PTPN14: variants seen among roughly 807,000 people sequenced by gnomAD.
PTPN14 encodes tyrosine-protein phosphatase non-receptor type 14.
PTPN14 carries 53 observed loss-of-function variants against 126.8 expected under a neutral mutation model. The ratio of observed to expected loss-of-function variants is 0.42; its 90% CI spans 0.34 to 0.53. The LOEUF is 0.53. PTPN14 is among the 20% of genes least tolerant of loss of function. The probability of loss-of-function intolerance (pLI) is 0.08; values close to 1 mark genes in which losing one functional copy is unlikely to be tolerated. For missense variants in PTPN14, 1,257 were observed against 1,552.9 expected, an observed-to-expected ratio of 0.81 and a Z score of 3.20; for synonymous variants, 630 against 599.3, an observed-to-expected ratio of 1.05 and a Z score of -0.75.
At chr1:214,402,771 A>G in intron 6 of PTPN14, 112 bp downstream of exon 6, 2 of 1,191,070 alleles carry the variant, frequency 1.7e-6, no homozygotes, top group African/African-American at 1.5e-5. Context: ...TGGAATAAAT[A>G]CAAGTGTGTT....
chr1:214,505,243 A>G (rs568922291), intron 1 of PTPN14, among the ~76,000 whole-genome samples: 7 of 152,264 alleles, frequency 4.6e-5, no homozygotes, highest in African/African-American at 1.7e-4. Flanking sequence ...CCTGACACCT[A>G]CATTCAATGG....
chr1:214,533,843 C>CAAA (rs200765209), intron 1 of PTPN14, among the ~76,000 whole-genome samples: 3 of 64,492 alleles, frequency 4.7e-5, no homozygotes, highest in African/African-American at 1.4e-4. Context: ...TCTCAAAAAA[C>CAAA]AAAAAAAAAA....
chr1:214,438,057 TA>T (rs572907421), intron 3 of PTPN14, among the ~76,000 whole-genome samples: 157 of 152,360 alleles, frequency 1.0e-3, no homozygotes, highest in African/African-American at 3.6e-3. Context: ...GTCTTATTTT[TA>T]TTTTTTAAAT....
At chr1:214,480,963 G>C (rs527788908) in intron 1 of PTPN14, among the ~76,000 whole-genome samples, 1 of 152,206 alleles carries the variant, frequency 6.6e-6, no homozygotes, top group East Asian at 1.9e-4. Context: ...AGGCAAGGGC[G>C]AGAAAGAAAC....
In PTPN14 at chr1:214,353,149, A is replaced by T. The variant is rs1438962479; in HGVS notation, c.*4773T>A. On this transcript the variant is annotated 3_prime_UTR_variant, in exon 19 of 19. Coordinates refer to ENST00000366956, the MANE Select transcript of PTPN14 (RefSeq NM_005401.5). ...CTTCCCCAAACGAAAATCAGTAACG[A>T]AATAGTTGTCCTTTACCAAAGGGGG... 6.6e-6 allele frequency: 1 copy of T among 152,102 alleles called. No homozygotes were observed. The allele number at this position is 152,102 out of a possible 1,614,324, so 9.4% of individuals were successfully genotyped here. A position where few individuals can be genotyped will look rare whatever the true frequency, so the allele number is the denominator to read the frequency against.
chr1:214,409,411 T>C (rs1306882481), intron 5 of PTPN14, among the ~76,000 whole-genome samples: 2 of 152,240 alleles, frequency 1.3e-5, no homozygotes, highest in African/African-American at 4.8e-5. Flanking sequence ...AAAATTCTGT[T>C]CTAAGGCCAA....
chr1:214,540,585 G>A (rs1655811081), intron 1 of PTPN14, among the ~76,000 whole-genome samples: 1 of 152,162 alleles, frequency 6.6e-6, no homozygotes, highest in South Asian at 2.1e-4. Flanking sequence ...GCTGATGGCA[G>A]AAATCACTCT....
chr1:214,423,088 AG>A (rs1446253289), intron 3 of PTPN14, among the ~76,000 whole-genome samples: 1 of 152,026 alleles, frequency 6.6e-6, no homozygotes, highest in Non-Finnish European at 1.5e-5. Flanking sequence ...AGCCCAGACC[AG>A]CCTGGGCAAC....
At chr1:214,519,636 C>A (rs1053675939) in intron 1 of PTPN14, among the ~76,000 whole-genome samples, 4 of 152,156 alleles carry the variant, frequency 2.6e-5, no homozygotes, top group Non-Finnish European at 5.9e-5. Context: ...TAGAGATAAT[C>A]GCTTGCATAT....
chr1:214,525,565 T>TA (rs1163626778), intron 1 of PTPN14, among the ~76,000 whole-genome samples: 1 of 152,100 alleles, frequency 6.6e-6, no homozygotes, highest in Admixed American at 6.6e-5. Flanking sequence ...TTCTGAAGAG[T>TA]AAACAGCACA....
chr1:214,479,528 T>C (rs1344290091), intron 1 of PTPN14, among the ~76,000 whole-genome samples: 1 of 151,976 alleles, frequency 6.6e-6, no homozygotes, highest in East Asian at 1.9e-4. Context: ...TTAGTGGAGA[T>C]AGGGTTTCAC....
At chr1:214,450,593 A>G (rs1450832644) in intron 3 of PTPN14, among the ~76,000 whole-genome samples, 1 of 152,230 alleles carries the variant, frequency 6.6e-6, no homozygotes, top group Non-Finnish European at 1.5e-5. Context: ...AAAACTACAC[A>G]AAAGTCAGGT....
intron 3 of PTPN14, among the ~76,000 whole-genome samples, chr1:214,432,398 G>A (rs563992708): frequency 1.4e-4 from 21 of 152,096 alleles, no homozygotes; most frequent in African/African-American, 4.6e-4. Context: ...TTTTCATTTC[G>A]CTGGCAGTAA....
At chr1:214,421,964 G>A (rs980245720) in intron 3 of PTPN14, among the ~76,000 whole-genome samples, 1 of 152,118 alleles carries the variant, frequency 6.6e-6, no homozygotes, top group Non-Finnish European at 1.5e-5. Flanking sequence ...TCCTGCACTG[G>A]CACCAGCGCC....
chr1:214,535,761 A>G (rs1436015759), intron 1 of PTPN14, among the ~76,000 whole-genome samples: 1 of 148,896 alleles, frequency 6.7e-6, no homozygotes, highest in African/African-American at 2.6e-5. Context: ...TCTGGGCAAC[A>G]GAGCAAGACT....
At chr1:214,483,240 G>T in intron 1 of PTPN14, 1 of 1,613,720 alleles carries the variant, frequency 6.2e-7, no homozygotes. Context: ...CCCCCTTCTA[G>T]GAAATTACAA....
chr1:214,390,344 C>T (rs1326485475), intron 11 of PTPN14, among the ~76,000 whole-genome samples: 2 of 152,138 alleles, frequency 1.3e-5, no homozygotes, highest in Admixed American at 6.5e-5. Context: ...ATTGTGTTTC[C>T]TTATTCACAT....
chr1:214,447,134 G>A (rs965846768), intron 3 of PTPN14, among the ~76,000 whole-genome samples: 10 of 152,094 alleles, frequency 6.6e-5, no homozygotes, highest in African/African-American at 2.4e-4. Context: ...CGGATGACTG[G>A]AGAGTTAGTC....
intron 17 of PTPN14, among the ~76,000 whole-genome samples, chr1:214,367,118 A>C (rs1366944147): frequency 6.6e-6 from 1 of 152,212 alleles, no homozygotes; most frequent in Admixed American, 6.5e-5. Context: ...GCCAATCAAC[A>C]AACTGATCTA....
Sources: gnomAD v4.1 joint callset for allele counts (sites outside exome capture counted in the v4.1 genomes callset) on GRCh38, gnomAD v4.1.1 for gene constraint, MANE v1.5 for transcripts, NCBI Gene and HGNC (gene_info 2026-07-23, HGNC 2026-07-21) for gene names.